Variants in FSHR observed in about 807,000 individuals in gnomAD.
FSHR encodes follicle-stimulating hormone receptor.
FSHR carries 46 observed loss-of-function variants against 52.1 expected under a neutral mutation model. The observed-to-expected ratio is 0.88, with a 90% CI of 0.70 to 1.13. The LOEUF (loss-of-function observed/expected upper bound fraction) is 1.13, where lower values mean the gene tolerates loss of function less well. Among genes scored for constraint, FSHR ranks in the 50% most tolerant of loss-of-function variants. The probability of loss-of-function intolerance (pLI) is 0.00; values close to 1 mark genes in which losing one functional copy is unlikely to be tolerated. For synonymous variants in FSHR, 399 were observed against 309.6 expected, an observed-to-expected ratio of 1.29 and a Z score of -3.03; for missense variants, 964 against 834.6, an observed-to-expected ratio of 1.16 and a Z score of -1.91.
At chr2:49,030,302 G>A (rs1668056591) in intron 2 of FSHR, among the ~76,000 whole-genome samples, 2 of 136,186 alleles carry the variant, frequency 1.5e-5, no homozygotes, top group Admixed American at 7.6e-5. Context: ...GTGTGTGTGT[G>A]TGTGTGTGTG....
chr2:49,045,332 C>T (rs1668619307), intron 2 of FSHR, among the ~76,000 whole-genome samples: 1 of 152,148 alleles, frequency 6.6e-6, no homozygotes, highest in Non-Finnish European at 1.5e-5. Context: ...CCACCCAGAC[C>T]TACTCAATCA....
intron 2 of FSHR, among the ~76,000 whole-genome samples, chr2:49,045,077 G>A (rs1668606161): frequency 6.6e-6 from 1 of 152,168 alleles, no homozygotes; most frequent in East Asian, 1.9e-4. Flanking sequence ...ATGACAAAGG[G>A]AATATGAAAA....
chr2:49,150,522 G>T (rs902261427), intron 1 of FSHR, among the ~76,000 whole-genome samples: 1 of 151,992 alleles, frequency 6.6e-6, no homozygotes, highest in Non-Finnish European at 1.5e-5. Context: ...CACCCACATT[G>T]TCTCATGTAA....
intron 2 of FSHR, chr2:49,059,785 C>T (rs1669216079): frequency 6.6e-6 from 1 of 152,062 alleles, no homozygotes; most frequent in Non-Finnish European, 1.5e-5. Context: ...GGAGGAAGTG[C>T]TTGAGGACTT....
At chr2:49,056,778 CA>C (rs1669082648) in intron 2 of FSHR, among the ~76,000 whole-genome samples, 2 of 151,662 alleles carry the variant, frequency 1.3e-5, no homozygotes, top group African/African-American at 4.8e-5. Flanking sequence ...AAACAAGTCT[CA>C]AAAAAATTTT....
intron 2 of FSHR, among the ~76,000 whole-genome samples, chr2:49,065,716 C>T (rs1431515209): frequency 6.6e-6 from 1 of 151,912 alleles, no homozygotes; most frequent in African/African-American, 2.4e-5. Flanking sequence ...GGTAATAAGA[C>T]ATTATCTGAC....
At chr2:49,085,259 G>A (rs35848948) in intron 1 of FSHR, among the ~76,000 whole-genome samples, 19,923 of 151,084 alleles carry the variant, frequency 0.13, 626 homozygotes, top group East Asian at 0.19. Flanking sequence ...TGATTATCTC[G>A]ATAGATGCAG....
At chr2:49,133,203 G>A (rs188646517) in intron 1 of FSHR, among the ~76,000 whole-genome samples, 22 of 152,224 alleles carry the variant, frequency 1.4e-4, no homozygotes, top group Admixed American at 1.3e-3. Flanking sequence ...GCTAAGTCCT[G>A]TGCAACAGCA....
chr2:49,118,653 A>G (rs982281237), intron 1 of FSHR, among the ~76,000 whole-genome samples: 4 of 152,236 alleles, frequency 2.6e-5, no homozygotes, highest in African/African-American at 7.2e-5. Context: ...AAGAACAACT[A>G]GACCCAATGT....
chr2:49,107,626 G>A (rs1258100531), intron 1 of FSHR, among the ~76,000 whole-genome samples: 1 of 152,096 alleles, frequency 6.6e-6, no homozygotes, highest in East Asian at 1.9e-4. Context: ...AATATTAATA[G>A]CCATTACCTT....
intron 4 of FSHR, among the ~76,000 whole-genome samples, chr2:49,011,168 T>C (rs1489266477): frequency 1.3e-5 from 2 of 151,354 alleles, no homozygotes; most frequent in East Asian, 3.9e-4. Flanking sequence ...GGGCATTTAG[T>C]GCTATAAATT....
At chr2:48,964,087 A>C in intron 9 of FSHR, 121 bp from the exon 10 acceptor site, 1 of 886,304 alleles carries the variant, frequency 1.1e-6, no homozygotes, top group South Asian at 1.6e-5. Context: ...TTTTCTTCTC[A>C]CATCATACCT....
At chr2:49,106,355 AAGAG>A (rs61382948) in intron 1 of FSHR, among the ~76,000 whole-genome samples, 3 of 151,966 alleles carry the variant, frequency 2.0e-5, no homozygotes, top group Non-Finnish European at 2.9e-5. Flanking sequence ...AAGAAAGAAA[AAGAG>A]AGAGAGAGAA....
chr2:48,995,363 A>C (rs951050363), intron 4 of FSHR, among the ~76,000 whole-genome samples: 1 of 152,154 alleles, frequency 6.6e-6, no homozygotes, highest in African/African-American at 2.4e-5. Context: ...GGGCTGGAGT[A>C]GCCAAGAAGA....
At chr2:49,013,101 C>T (rs142226600) in intron 4 of FSHR, among the ~76,000 whole-genome samples, 5 of 151,732 alleles carry the variant, frequency 3.3e-5, no homozygotes, top group East Asian at 1.9e-4. Flanking sequence ...CTCTCTCCCT[C>T]TCTCTCTCTT....
intron 1 of FSHR, among the ~76,000 whole-genome samples, chr2:49,129,441 G>T (rs369388504): frequency 5.3e-5 from 8 of 152,188 alleles, no homozygotes; most frequent in African/African-American, 1.9e-4. Flanking sequence ...AGAATCATTT[G>T]TGTATTTCTG....
intron 2 of FSHR, among the ~76,000 whole-genome samples, chr2:49,021,886 T>TATATATATATATATAAAGAGAG (rs1273265515): frequency 4.0e-5 from 1 of 25,126 alleles, no homozygotes; most frequent in African/African-American, 1.5e-4. Context: ...TATATATATA[T>TATATATATATATATAAAGAGAG]AGAGAGAGAG....
rs184321544 is a variant in FSHR, at chr2:48,983,309, G to C, written c.525-143C>G. On this transcript the variant is annotated intron_variant, in intron 6 of 9. Transcript: ENST00000406846. The stretch of plus-strand genomic sequence containing the variant: ...CCACTTTTAAAGCTTGGGGACACGG[G>C]TGGGAGGAAGACTGATTTATTGCTG... 3.8e-4 allele frequency: 275 copies of C among 727,030 alleles called. 1 individual carries two copies. In the African/African-American group the frequency reaches 4.4e-3, roughly 12 times the overall value. The allele number at this position is 727,030 out of a possible 1,614,324, so 45.0% of individuals were successfully genotyped here. A position where few individuals can be genotyped will look rare whatever the true frequency, so the allele number is the denominator to read the frequency against.
intron 2 of FSHR, among the ~76,000 whole-genome samples, chr2:49,052,742 G>A (rs751233706): frequency 2.0e-5 from 3 of 152,090 alleles, no homozygotes; most frequent in African/African-American, 4.8e-5. Context: ...TTGAGTAAGC[G>A]GGACTCAAGG....
Sources: gnomAD v4.1 joint callset for allele counts (sites outside exome capture counted in the v4.1 genomes callset) on GRCh38, gnomAD v4.1.1 for gene constraint, MANE v1.5 for transcripts, NCBI Gene and HGNC (gene_info 2026-07-23, HGNC 2026-07-21) for gene names.